Variants in MOB3B observed in about 807,000 individuals in gnomAD.
MOB3B encodes MOB kinase activator 3B.
A neutral mutation model predicts 18.7 loss-of-function variants in MOB3B; 7 were observed. The ratio of observed to expected loss-of-function variants is 0.37; its 90% CI spans 0.21 to 0.70. The LOEUF is 0.70. Ranked by LOEUF, MOB3B falls within the 30% of genes least tolerant of loss-of-function variation. The pLI, the probability that MOB3B is intolerant of heterozygous loss-of-function variation, is 0.52. For missense variants in MOB3B, 253 were observed against 281.3 expected (o/e 0.90, Z 0.72); for synonymous variants, 111 against 99.9 (o/e 1.11, Z -0.66).
Position 27,491,603 on chromosome 9 carries a change from G to A in MOB3B, c.-198-35855C>T, listed in dbSNP as rs144790217. On this transcript the variant is annotated intron_variant, in intron 1 of 3. Coordinates refer to ENST00000262244, the MANE Select transcript of MOB3B (RefSeq NM_024761.5). ...AAAATCAATATAGGTGGTTGGGCAC[G>A]GTGGCTCATGCCTGTAATCCCAGCA... is the stretch of plus-strand genomic sequence containing the variant. Among the ~76,000 whole-genome samples the A allele has an allele frequency of 4.8e-3, 732 of 152,236 alleles. 5 individuals are homozygous for A. The highest frequency in any genetic ancestry group is 0.015 in the African/African-American group (637 of 41,530).
chr9:27,410,137 CTTAGAAGAAATCGA>C (rs1339313868), intron 2 of MOB3B, among the ~76,000 whole-genome samples: 2 of 152,058 alleles, frequency 1.3e-5, no homozygotes, highest in Admixed American at 6.5e-5. Context: ...AATGTTTGAA[CTTAGAAGAAATCGA>C]TCCAAGAACA....
At chr9:27,431,385 A>C (rs1822415643) in intron 2 of MOB3B, among the ~76,000 whole-genome samples, 2 of 152,186 alleles carry the variant, frequency 1.3e-5, no homozygotes, top group African/African-American at 4.8e-5. Flanking sequence ...AAAAAAATGG[A>C]GACAGGGAAG....
chr9:27,413,044 T>A (rs1411749206), intron 2 of MOB3B, among the ~76,000 whole-genome samples: 2 of 152,224 alleles, frequency 1.3e-5, no homozygotes, highest in African/African-American at 2.4e-5. Flanking sequence ...CCCAGCCAAG[T>A]AATAACATTA....
At chr9:27,483,568 G>A (rs1027197811) in intron 1 of MOB3B, among the ~76,000 whole-genome samples, 18 of 152,184 alleles carry the variant, frequency 1.2e-4, no homozygotes, top group African/African-American at 4.1e-4. Context: ...ATTCTTGACT[G>A]CATAGCTCCT....
intron 1 of MOB3B, among the ~76,000 whole-genome samples, chr9:27,522,468 A>C (rs894849658): frequency 2.0e-5 from 3 of 149,310 alleles, no homozygotes; most frequent in African/African-American, 5.0e-5. Context: ...TATTTAACAA[A>C]AGTGGTATCA....
Position 27,326,427 on chromosome 9 carries a change from C to G in MOB3B, c.*4160G>C, listed in dbSNP as rs904539392. On this transcript the variant is annotated 3_prime_UTR_variant, in exon 4 of 4. Coordinates refer to ENST00000262244, the MANE Select transcript of MOB3B (RefSeq NM_024761.5). ...TATTATATATCATCTTTGGACCTTT[C>G]TAAAAGTGGGACACTAGAAAAGATA... 1.3e-5 allele frequency: 5 copies of G among 398,384 alleles called. No individual in the cohort carries two copies. The highest frequency in any genetic ancestry group is 1.8e-5 in the Non-Finnish European group (4 of 226,028). The allele number at this position is 398,384 out of a possible 1,614,324, so 24.7% of individuals were successfully genotyped here. A position where few individuals can be genotyped will look rare whatever the true frequency, so the allele number is the denominator to read the frequency against.
chr9:27,381,656 T>G (rs1350030699), intron 2 of MOB3B, among the ~76,000 whole-genome samples: 1 of 152,196 alleles, frequency 6.6e-6, no homozygotes, highest in Non-Finnish European at 1.5e-5. Context: ...GAACTTTTTT[T>G]TCGTTTAAGA....
At chr9:27,422,104 G>T (rs1822262201) in intron 2 of MOB3B, among the ~76,000 whole-genome samples, 1 of 152,314 alleles carries the variant, frequency 6.6e-6, no homozygotes, top group East Asian at 1.9e-4. Flanking sequence ...ATAAATACAT[G>T]AATACGTGAA....
chr9:27,348,558 C>T (rs1018727211), intron 3 of MOB3B, among the ~76,000 whole-genome samples: 1 of 151,826 alleles, frequency 6.6e-6, no homozygotes, highest in Non-Finnish European at 1.5e-5. Flanking sequence ...GAGGCTGAGG[C>T]AGGAGAATCG....
chr9:27,493,402 A>G (rs971196625), intron 1 of MOB3B, among the ~76,000 whole-genome samples: 10 of 152,290 alleles, frequency 6.6e-5, no homozygotes, highest in South Asian at 4.1e-4. Flanking sequence ...GCACTTTGGG[A>G]GGCCGAGACG....
intron 1 of MOB3B, among the ~76,000 whole-genome samples, chr9:27,511,561 A>G (rs1343494259): frequency 6.6e-6 from 1 of 152,364 alleles, no homozygotes; most frequent in Non-Finnish European, 1.5e-5. Context: ...CATCCTACCA[A>G]ATAGATTTCT....
chr9:27,517,504 C>T (rs901154925), intron 1 of MOB3B, among the ~76,000 whole-genome samples: 11 of 151,502 alleles, frequency 7.3e-5, no homozygotes, highest in South Asian at 2.1e-4. Flanking sequence ...AAAAATTAGC[C>T]GGGCGTAGTG....
chr9:27,421,077 G>C (rs1822242345), intron 2 of MOB3B: 1 of 152,978 alleles, frequency 6.5e-6, no homozygotes, highest in Admixed American at 6.5e-5. Flanking sequence ...CTACATGGAA[G>C]AGCGGTATTC....
chr9:27,515,853 T>C (rs1295294686), intron 1 of MOB3B, among the ~76,000 whole-genome samples: 1 of 152,168 alleles, frequency 6.6e-6, no homozygotes, highest in Admixed American at 6.5e-5. Context: ...AAAAATATAC[T>C]GAAGTTCTAA....
At chr9:27,371,246 G>A (rs879393839) in intron 2 of MOB3B, among the ~76,000 whole-genome samples, 2 of 152,202 alleles carry the variant, frequency 1.3e-5, no homozygotes, top group Non-Finnish European at 2.9e-5. Flanking sequence ...GTACAGTTGG[G>A]GGAACCCAGA....
At position 27,342,720 on chromosome 9, in the gene MOB3B, G is replaced by A. The variant is rs569965503; in HGVS notation, c.622-12104C>T. ...TGACCACGAGTGATCTGCCTGCCTC[G>A]GCCTCCCGAGGTGCCGGGATTGCAG... On this transcript the variant is annotated intron_variant, in intron 3 of 3. Coordinates refer to ENST00000262244, the MANE Select transcript of MOB3B (RefSeq NM_024761.5). 2.0e-3 allele frequency among the ~76,000 whole-genome samples: 304 copies of A among 152,232 alleles called. 1 individual carries two copies. Among genetic ancestry groups the A allele is most frequent in the African/African-American group, 3.8e-3 (159 of 41,546 alleles).
intron 1 of MOB3B, among the ~76,000 whole-genome samples, chr9:27,508,344 G>A (rs1337399677): frequency 6.6e-6 from 1 of 152,044 alleles, no homozygotes; most frequent in African/African-American, 2.4e-5. Flanking sequence ...AAAAACGCAA[G>A]GGTTGTTCAG....
chr9:27,330,558 T>C lies in MOB3B; in HGVS notation c.*29A>G, dbSNP rs201496531. ...TCAGGGCACCAGGAGGAAACAGCTT[T>C]CCTTTCTTCCAAAGGGTGAGGTGGA... On this transcript the variant is annotated 3_prime_UTR_variant, in exon 4 of 4. Coordinates refer to ENST00000262244, the MANE Select transcript of MOB3B (RefSeq NM_024761.5). 6.2e-6 allele frequency: 10 copies of C among 1,613,692 alleles called. No individual in the cohort carries two copies. In the African/African-American group the frequency reaches 8.0e-5, roughly 13 times the overall value.
intron 3 of MOB3B, among the ~76,000 whole-genome samples, chr9:27,331,190 G>A (rs1020262863): frequency 6.6e-6 from 1 of 152,196 alleles, no homozygotes; most frequent in Non-Finnish European, 1.5e-5. Flanking sequence ...TCACCTGCCT[G>A]GCTCTTGTGG....
Sources: allele counts gnomAD v4.1 joint callset (sites outside exome capture counted in the v4.1 genomes callset), GRCh38; gene constraint gnomAD v4.1.1; transcripts MANE v1.5; gene names NCBI Gene and HGNC (gene_info 2026-07-23, HGNC 2026-07-21).